MBNL2: variants seen among roughly 807,000 people sequenced by gnomAD.
The protein encoded by MBNL2 is muscleblind-like protein 2.
A neutral mutation model predicts 41.9 loss-of-function variants in MBNL2; 17 were observed. That is an observed-to-expected ratio of 0.41 (90% CI 0.28 to 0.61). MBNL2 has a LOEUF of 0.61. Ranked by LOEUF, MBNL2 falls within the 20% of genes least tolerant of loss-of-function variation. The pLI, the probability that MBNL2 is intolerant of heterozygous loss-of-function variation, is 0.35. For synonymous variants in MBNL2, 195 were observed against 182.9 expected (o/e 1.07, Z -0.53); for missense variants, 336 against 505.6 (o/e 0.66, Z 3.22).
chr13:97,189,407 G>A, the MBNL2 span, among the ~76,000 whole-genome samples: 1 of 152,194 alleles, frequency 6.6e-6, no homozygotes, highest in Non-Finnish European at 1.5e-5. Context: ...GTAGTTCAAG[G>A]TAGATGGAGT....
At chr13:97,317,452 T>C (rs2153034470) in intron 2 of MBNL2, among the ~76,000 whole-genome samples, 1 of 152,342 alleles carries the variant, frequency 6.6e-6, no homozygotes, top group South Asian at 2.1e-4. Flanking sequence ...TCTCCCACCC[T>C]ACTGTTCCTA....
chr13:97,328,754 G>A (rs2060127315), intron 2 of MBNL2, among the ~76,000 whole-genome samples: 1 of 152,154 alleles, frequency 6.6e-6, no homozygotes, highest in Non-Finnish European at 1.5e-5. Context: ...GCAGTTGTCT[G>A]ACAGCTATTC....
the MBNL2 span, among the ~76,000 whole-genome samples, chr13:97,159,035 C>T: frequency 6.6e-6 from 1 of 151,062 alleles, no homozygotes; most frequent in African/African-American, 2.4e-5. Context: ...GAGTCTAAGT[C>T]TCTTTGTAGG....
At chr13:97,352,225 T>A (rs751874827) in intron 5 of MBNL2, among the ~76,000 whole-genome samples, 1 of 152,190 alleles carries the variant, frequency 6.6e-6, no homozygotes, top group East Asian at 1.9e-4. Context: ...TCAAGAACTT[T>A]CCCTTTGCAG....
intron 8 of MBNL2, among the ~76,000 whole-genome samples, chr13:97,380,913 C>T (rs1428779702): frequency 1.3e-5 from 2 of 152,078 alleles, no homozygotes; most frequent in African/African-American, 2.4e-5. Flanking sequence ...GAGGTGCCAG[C>T]GTGATACAAG....
chr13:97,357,189 G>C (rs1268686971), intron 6 of MBNL2, among the ~76,000 whole-genome samples: 2 of 152,124 alleles, frequency 1.3e-5, no homozygotes, highest in Non-Finnish European at 2.9e-5. Flanking sequence ...TCCCCCCTTA[G>C]AATAGTTTAA....
chr13:97,343,192 A>T lies in MBNL2; in HGVS notation c.516A>T (p.Lys172Asn). Residue 172 changes from lysine to asparagine, a missense_variant, in exon 4 of 9, where the codon AAA (lysine) becomes AAT (asparagine). Transcript: ENST00000679496. Reference protein sequence around the residue: ...VTVPGSTATQKLLRTDKLEVC... With the variant: ...VTVPGSTATQNLLRTDKLEVC... Reference sequence around the variant, plus strand: ...TCCCGGGCTCAACTGCAACTCAGAAACTTCTCAGGACTGACAAACTGGAGG... The same window carrying T: ...TCCCGGGCTCAACTGCAACTCAGAATCTTCTCAGGACTGACAAACTGGAGG... 6.2e-7 allele frequency: 1 copy of T among 1,607,390 alleles called. No individual in the cohort carries two copies. Among genetic ancestry groups the T allele is most frequent in the Non-Finnish European group, 8.5e-7 (1 of 1,176,874 alleles).
At chr13:97,230,883 C>G (rs985897309) in intron 1 of MBNL2, among the ~76,000 whole-genome samples, 1 of 152,168 alleles carries the variant, frequency 6.6e-6, no homozygotes, top group Non-Finnish European at 1.5e-5. Context: ...GTTAAGGGAA[C>G]CTTTGTAGCT....
chr13:97,239,881 A>G (rs945823574), intron 1 of MBNL2, among the ~76,000 whole-genome samples: 1 of 152,232 alleles, frequency 6.6e-6, no homozygotes, highest in African/African-American at 2.4e-5. Flanking sequence ...AGACAAGCAC[A>G]TCTACAGACA....
At chr13:97,152,055 AG>A in the MBNL2 span, among the ~76,000 whole-genome samples, 3 of 152,214 alleles carry the variant, frequency 2.0e-5, no homozygotes, top group Non-Finnish European at 4.4e-5. Flanking sequence ...AAAGAGATAA[AG>A]AAATTTGAAA....
the MBNL2 span, among the ~76,000 whole-genome samples, chr13:97,151,283 G>A: frequency 6.6e-6 from 1 of 152,086 alleles, no homozygotes; most frequent in Non-Finnish European, 1.5e-5. Flanking sequence ...TGATTTAAAA[G>A]TATATTTAAA....
At chr13:97,299,827 T>C (rs976432620) in intron 2 of MBNL2, among the ~76,000 whole-genome samples, 1 of 152,158 alleles carries the variant, frequency 6.6e-6, no homozygotes, top group Non-Finnish European at 1.5e-5. Flanking sequence ...ATATATTCCA[T>C]AGGTACATAT....
At chr13:97,185,977 C>T in the MBNL2 span, among the ~76,000 whole-genome samples, 2 of 152,306 alleles carry the variant, frequency 1.3e-5, no homozygotes, top group East Asian at 3.9e-4. Context: ...TACTTATGGC[C>T]CATGCCTGGG....
chr13:97,298,628 T>A (rs1235612929), intron 2 of MBNL2, among the ~76,000 whole-genome samples: 1 of 152,220 alleles, frequency 6.6e-6, no homozygotes, highest in African/African-American at 2.4e-5. Flanking sequence ...CCTCCCACAA[T>A]CATTCTCTAG....
At position 97,263,864 on chromosome 13, in the gene MBNL2, C is replaced by T. The variant is rs528688556; in HGVS notation, c.-604-11768C>T. Among the ~76,000 whole-genome samples the T allele has an allele frequency of 1.6e-4, 24 of 152,132 alleles. No homozygotes were observed. The East Asian group carries it at 3.1e-3, about 20-fold the overall frequency. ...AACTCCTGACCTCAGGTGATCTGCC[C>T]GCCTCGGCCTCCGAAAGTGCTCGGA... is the stretch of plus-strand genomic sequence containing the variant. On this transcript the variant is annotated intron_variant, in intron 1 of 8. Transcript: ENST00000679496.
chr13:97,144,046 A>G, the MBNL2 span, among the ~76,000 whole-genome samples: 1 of 151,970 alleles, frequency 6.6e-6, no homozygotes, highest in Non-Finnish European at 1.5e-5. Context: ...GTTTCACCAC[A>G]TTGACCAGGC....
chr13:97,195,689 G>A, the MBNL2 span, among the ~76,000 whole-genome samples: 1 of 151,970 alleles, frequency 6.6e-6, no homozygotes, highest in African/African-American at 2.4e-5. Context: ...TATAATACCT[G>A]GTATCAGATA....
intron 2 of MBNL2, among the ~76,000 whole-genome samples, chr13:97,313,960 A>G (rs543365178): frequency 1.3e-5 from 2 of 152,354 alleles, no homozygotes; most frequent in East Asian, 3.9e-4. Context: ...TTGCTAATAC[A>G]TTTAAAAAAT....
intron 1 of MBNL2, among the ~76,000 whole-genome samples, chr13:97,247,315 T>C (rs1395247992): frequency 6.6e-6 from 1 of 152,256 alleles, no homozygotes; most frequent in Non-Finnish European, 1.5e-5. Flanking sequence ...AAGCCTGGCT[T>C]TATGGTAATA....
Sources: allele counts gnomAD v4.1 joint callset (sites outside exome capture counted in the v4.1 genomes callset), GRCh38; gene constraint gnomAD v4.1.1; transcripts MANE v1.5; gene names NCBI Gene and HGNC (gene_info 2026-07-23, HGNC 2026-07-21).